Variants in ZC3H12B observed in about 807,000 individuals in gnomAD.
ZC3H12B encodes zinc finger CCCH-type containing 12B.
A neutral mutation model predicts 43.9 loss-of-function variants in ZC3H12B; 7 were observed. The observed-to-expected ratio is 0.16, with a 90% CI of 0.09 to 0.30. The LOEUF is 0.30. Among genes scored for constraint, ZC3H12B ranks in the 10% least tolerant of loss-of-function variants. The probability of loss-of-function intolerance (pLI) is 1.00; values close to 1 mark genes in which losing one functional copy is unlikely to be tolerated. For synonymous variants in ZC3H12B, 222 were observed against 241.7 expected (o/e 0.92, Z 0.76); for missense variants, 475 against 670.2 (o/e 0.71, Z 3.22).
chrX:65,343,384 A>T, the ZC3H12B span, among the ~76,000 whole-genome samples: 2 of 111,513 alleles, frequency 1.8e-5, no homozygotes, highest in Non-Finnish European at 3.8e-5. Flanking sequence ...AACAATAAAA[A>T]CTTCAGCCAA....
At chrX:65,499,085 T>C (rs1163785261) in exon 3 of ZC3H12B, 1 of 1,211,479 alleles carries the variant, frequency 8.3e-7, no homozygotes. Flanking sequence ...GGTTGTCTGC[T>C]ATGATGACCG....
the ZC3H12B span, among the ~76,000 whole-genome samples, chrX:65,183,067 A>G: frequency 8.9e-6 from 1 of 112,112 alleles, no homozygotes; most frequent in South Asian, 3.7e-4. Context: ...AGATTCCATT[A>G]CTGTGTTTGT....
chrX:65,082,500 A>C, the ZC3H12B span, among the ~76,000 whole-genome samples: 2 of 111,641 alleles, frequency 1.8e-5, no homozygotes, highest in African/African-American at 6.5e-5. Flanking sequence ...TGTCAGTAAA[A>C]TGGAAAATTT....
the ZC3H12B span, among the ~76,000 whole-genome samples, chrX:65,088,117 G>C: frequency 8.9e-6 from 1 of 111,891 alleles, no homozygotes; most frequent in Admixed American, 9.5e-5. Flanking sequence ...GACGGTGATA[G>C]TGTTTACATT....
the ZC3H12B span, among the ~76,000 whole-genome samples, chrX:65,075,459 C>A: frequency 8.9e-6 from 1 of 112,248 alleles, no homozygotes; most frequent in Non-Finnish European, 1.9e-5. Flanking sequence ...TCACTTACAT[C>A]TCTTTTGTTT....
the ZC3H12B span, among the ~76,000 whole-genome samples, chrX:65,155,961 G>A: frequency 9.1e-6 from 1 of 110,382 alleles, no homozygotes; most frequent in Admixed American, 9.7e-5. Context: ...AACTATCTCT[G>A]CCTAATGTCT....
At chrX:65,179,579 A>T in the ZC3H12B span, among the ~76,000 whole-genome samples, 1 of 110,661 alleles carries the variant, frequency 9.0e-6, no homozygotes, top group African/African-American at 3.3e-5. Flanking sequence ...AGACTAACAA[A>T]ATAGATAGAC....
At chrX:65,307,529 A>G in the ZC3H12B span, among the ~76,000 whole-genome samples, 2 of 112,175 alleles carry the variant, frequency 1.8e-5, no homozygotes, top group Non-Finnish European at 3.8e-5. Flanking sequence ...TTTACAGCCT[A>G]TTAGTGAAAA....
At chrX:65,469,507 A>G (rs1602498133) in intron 3 of ZC3H12B, 1 of 350,308 alleles carries the variant, frequency 2.9e-6, no homozygotes, top group Non-Finnish European at 5.3e-6. Context: ...AAGCTGGAGG[A>G]TGTAAAATTC....
At chrX:65,451,081 G>A (rs1352368953) in intron 3 of ZC3H12B, among the ~76,000 whole-genome samples, 2 of 107,907 alleles carry the variant, frequency 1.9e-5, no homozygotes, top group East Asian at 2.9e-4. Context: ...GCAAACAACT[G>A]GAATTACAGG....
intron 3 of ZC3H12B, among the ~76,000 whole-genome samples, chrX:65,436,909 G>T (rs1438494331): frequency 2.7e-5 from 3 of 110,500 alleles, no homozygotes; most frequent in South Asian, 7.9e-4. Context: ...TCATCCTGTT[G>T]TACTATCAAA....
chrX:65,185,208 A>G, the ZC3H12B span: 3 of 111,718 alleles, frequency 2.7e-5, no homozygotes, highest in Non-Finnish European at 5.6e-5. Context: ...CTGTTCACCT[A>G]TTTCTTCACT....
the ZC3H12B span, among the ~76,000 whole-genome samples, chrX:65,240,752 G>A: frequency 1.8e-5 from 2 of 112,191 alleles, no homozygotes; most frequent in East Asian, 2.8e-4. Context: ...TGGGATATTT[G>A]TAGCGGTTTT....
the ZC3H12B span, among the ~76,000 whole-genome samples, chrX:65,155,857 TA>T: frequency 7.9e-4 from 80 of 101,864 alleles, no homozygotes; most frequent in East Asian, 1.5e-3. Flanking sequence ...AGGCCTTTTC[TA>T]AAAAAAAAAA....
intron 3 of ZC3H12B, among the ~76,000 whole-genome samples, chrX:65,453,405 A>AT (rs2067552007): frequency 1.5e-5 from 1 of 68,498 alleles, no homozygotes; most frequent in Non-Finnish European, 3.0e-5. Context: ...TATATATATA[A>AT]AATAGAATAG....
intron 3 of ZC3H12B, among the ~76,000 whole-genome samples, chrX:65,440,202 G>A (rs770690448): frequency 9.0e-6 from 1 of 111,552 alleles, no homozygotes; most frequent in Non-Finnish European, 1.9e-5. Flanking sequence ...TAGCAACTAG[G>A]CGATCAGCCA....
chrX:65,221,295 T>A, the ZC3H12B span, among the ~76,000 whole-genome samples: 1 of 111,044 alleles, frequency 9.0e-6, no homozygotes, highest in East Asian at 2.8e-4. Context: ...TTCAAGGAGC[T>A]AGAGAAACAA....
At chrX:65,219,342 G>A in the ZC3H12B span, among the ~76,000 whole-genome samples, 4 of 111,483 alleles carry the variant, frequency 3.6e-5, no homozygotes, top group Non-Finnish European at 7.5e-5. Context: ...GAATTCAGAA[G>A]GTCAACTATT....
the ZC3H12B span, among the ~76,000 whole-genome samples, chrX:65,156,600 T>G: frequency 2.7e-5 from 3 of 111,104 alleles, no homozygotes; most frequent in Non-Finnish European, 3.8e-5. Context: ...AGGCTTGACT[T>G]GAACTCTCGA....
Sources: gnomAD v4.1 joint callset for allele counts (sites outside exome capture counted in the v4.1 genomes callset) on GRCh38, gnomAD v4.1.1 for gene constraint, MANE v1.5 for transcripts, NCBI Gene and HGNC (gene_info 2026-07-23, HGNC 2026-07-21) for gene names.